ATP5PF: variants seen among roughly 807,000 people sequenced by gnomAD.
ATP5PF encodes the protein ATP synthase peripheral stalk subunit F6, mitochondrial.
Under a neutral mutation model 12.0 loss-of-function variants are expected in ATP5PF, and 7 were observed. The observed-to-expected ratio is 0.58, with a 90% CI of 0.33 to 1.10. The LOEUF is 1.10. ATP5PF is among the 50% of genes least tolerant of loss of function. The probability of loss-of-function intolerance (pLI) is 0.03; values close to 1 mark genes in which losing one functional copy is unlikely to be tolerated. For synonymous variants in ATP5PF, 41 were observed against 45.4 expected (o/e 0.90, Z 0.39); for missense variants, 120 against 127.7 (o/e 0.94, Z 0.29).
At chr21:25,734,717 G>T in intron 1 of ATP5PF, 136 bp downstream of exon 1, 1 of 873,606 alleles carries the variant, frequency 1.1e-6, no homozygotes, top group Non-Finnish European at 1.7e-6. Flanking sequence ...GTGACCCCGG[G>T]CCAGGCCGTG....
chr21:25,725,488 G>T, intron 2 of ATP5PF, 138 bp from the exon 3 acceptor site: 1 of 972,030 alleles, frequency 1.0e-6, no homozygotes, highest in Non-Finnish European at 1.4e-6. Context: ...TCGCCAGGCT[G>T]GAGTGCGGTA....
chr21:25,734,333 C>G, intron 1 of ATP5PF: 2 of 986,076 alleles, frequency 2.0e-6, no homozygotes, highest in African/African-American at 3.5e-5. Flanking sequence ...GATGACTGAC[C>G]GGCCAAAGGT....
At chr21:25,725,456 T>G in intron 2 of ATP5PF, 106 bp from the exon 3 acceptor site, 3 of 1,306,906 alleles carry the variant, frequency 2.3e-6, no homozygotes, top group Non-Finnish European at 2.0e-6. Flanking sequence ...TTTTTTCTTT[T>G]TTGAGACGGA....
In ATP5PF at chr21:25,729,669, G is replaced by C; in HGVS notation, c.126C>G (p.Leu42=). 2 of 1,611,622 alleles carry C rather than the reference G, an allele frequency of 1.2e-6. No individual in the cohort carries two copies. The highest frequency in any genetic ancestry group is 1.7e-6 in the Non-Finnish European group (2 of 1,178,718). The change falls in exon 2 of 4, where the codon CTC becomes CTG. Residue 42 remains leucine, a synonymous_variant. Transcript: ENST00000284971. ...FNKELDPIQK[L]FVDKIREYKS... ...TGTATTCTCTAATCTTGTCCACAAA[G>C]AGTTTCTGTATAGGATCAAGTTCCT...
intron 2 of ATP5PF, among the ~76,000 whole-genome samples, chr21:25,729,367 TACATG>T (rs2034696562): frequency 6.6e-6 from 1 of 152,228 alleles, no homozygotes; most frequent in Non-Finnish European, 1.5e-5. Flanking sequence ...TGGTTTATAA[TACATG>T]ACATGACAGT....
intron 3 of ATP5PF, 29 bp downstream of exon 3, chr21:25,725,197 A>G (rs1433405748): frequency 2.5e-6 from 4 of 1,589,174 alleles, no homozygotes; most frequent in African/African-American, 1.4e-5. Flanking sequence ...ATCCCCCACA[A>G]GAATGAATCT....
chr21:25,727,704 A>G (rs1412224224), intron 2 of ATP5PF, among the ~76,000 whole-genome samples: 1 of 152,240 alleles, frequency 6.6e-6, no homozygotes, highest in Non-Finnish European at 1.5e-5. Context: ...TTTTAAAGAC[A>G]GTTAAAATGA....
chr21:25,730,265 A>G (rs1408035576), intron 1 of ATP5PF, among the ~76,000 whole-genome samples: 3 of 152,226 alleles, frequency 2.0e-5, no homozygotes, highest in Admixed American at 2.0e-4. Context: ...GCCTGTTACA[A>G]ATGGATTCCA....
Position 25,729,636 on chromosome 21 carries a change from C to T in ATP5PF, c.159G>A (p.Lys53=). 1 of 1,607,478 alleles carries T rather than the reference C, an allele frequency of 6.2e-7. No homozygotes were observed. Among genetic ancestry groups the T allele is most frequent in the Non-Finnish European group, 8.5e-7 (1 of 1,176,540 alleles). Residue 53 remains lysine, a synonymous_variant, in exon 2 of 4, where the codon AAG becomes AAA. Coordinates refer to ENST00000284971, the MANE Select transcript of ATP5PF (RefSeq NM_001003703.2). ...FVDKIREYKS[K]RQTSGGPVDA... ...GTAGTTATTTATTCACTTACTGTCG[C>T]TTAGATTTGTATTCTCTAATCTTGT...
At chr21:25,729,587 AC>A (rs1391980888) in intron 2 of ATP5PF, 43 bp downstream of exon 2, 13 of 1,492,876 alleles carry the variant, frequency 8.7e-6, no homozygotes, top group African/African-American at 4.8e-5. Context: ...AAACTTACAT[AC>A]TTTGAATATT....
At chr21:25,730,812 C>T (rs1338536498) in intron 1 of ATP5PF, among the ~76,000 whole-genome samples, 5 of 130,310 alleles carry the variant, frequency 3.8e-5, no homozygotes, top group Non-Finnish European at 8.1e-5. Context: ...CTTCCTTAAG[C>T]TAAAATATAT....
At chr21:25,728,041 C>G (rs932351793) in intron 2 of ATP5PF, among the ~76,000 whole-genome samples, 6 of 152,210 alleles carry the variant, frequency 3.9e-5, no homozygotes, top group Non-Finnish European at 7.3e-5. Context: ...TCTTCTTCCT[C>G]TCCAGCAGCT....
At chr21:25,725,035 T>C in intron 3 of ATP5PF, 191 bp downstream of exon 3, 1 of 713,866 alleles carries the variant, frequency 1.4e-6, no homozygotes. Flanking sequence ...ATTTAATCAC[T>C]ATGTTATGTG....
At chr21:25,724,834 C>T (rs2034574637) in intron 3 of ATP5PF, 157 bp from the exon 4 acceptor site, 1 of 736,662 alleles carries the variant, frequency 1.4e-6, no homozygotes, top group Admixed American at 3.4e-5. Flanking sequence ...TTATGCAACA[C>T]TTTCTATGAG....
chr21:25,724,797 C>A, intron 3 of ATP5PF, 120 bp from the exon 4 acceptor site: 5 of 985,420 alleles, frequency 5.1e-6, no homozygotes, highest in Non-Finnish European at 6.1e-6. Context: ...TGTTTGTAAA[C>A]ATTTACATAG....
chr21:25,730,293 T>C (rs961841658), intron 1 of ATP5PF, among the ~76,000 whole-genome samples: 3 of 152,054 alleles, frequency 2.0e-5, no homozygotes, highest in African/African-American at 4.8e-5. Flanking sequence ...AAGAATACTG[T>C]AACAACTAAA....
chr21:25,727,656 T>A (rs954977259), intron 2 of ATP5PF, among the ~76,000 whole-genome samples: 1 of 152,148 alleles, frequency 6.6e-6, no homozygotes, highest in African/African-American at 2.4e-5. Flanking sequence ...TCCTTAGATA[T>A]AGGGTACACC....
intron 1 of ATP5PF, among the ~76,000 whole-genome samples, chr21:25,731,128 G>GTTAT (rs2034765349): frequency 6.6e-6 from 1 of 152,080 alleles, no homozygotes; most frequent in Non-Finnish European, 1.5e-5. Flanking sequence ...TGTAATCCCA[G>GTTAT]TTATTTGGGA....
rs191786193 is a variant in ATP5PF at position 25,725,105 on chromosome 21, C to G, written c.289+121G>C. On this transcript the variant is annotated intron_variant, in intron 3 of 3. Transcript: ENST00000284971. ...TTTAGCCGGCAGCTTCTCAGGCACA[C>G]GTCATGGTCCTAATAAATTCACATG... 1.2e-4 allele frequency: 165 copies of G among 1,342,224 alleles called. 1 individual carries two copies. The highest frequency in any genetic ancestry group is 1.6e-5 in the Non-Finnish European group (16 of 993,320). The allele number at this position is 1,342,224 out of a possible 1,614,324, so 83.1% of individuals were successfully genotyped here.
Sources: allele counts gnomAD v4.1 joint callset (sites outside exome capture counted in the v4.1 genomes callset), GRCh38; gene constraint gnomAD v4.1.1; transcripts MANE v1.5; gene names NCBI Gene and HGNC (gene_info 2026-07-23, HGNC 2026-07-21).